The following CADPS variants were observed in gnomAD, a reference collection of about 807,000 sequenced individuals.
The protein encoded by CADPS is calcium dependent secretion activator.
In CADPS, 57 loss-of-function variants were observed where a neutral mutation model predicts 167.3. The ratio of observed to expected loss-of-function variants is 0.34; its 90% confidence interval spans 0.28 to 0.42. The LOEUF (loss-of-function observed/expected upper bound fraction) is 0.42. Among genes scored for constraint, CADPS ranks in the 20% least tolerant of loss-of-function variants. The probability of loss-of-function intolerance (pLI) is 1.00; values close to 1 mark genes in which losing one functional copy is unlikely to be tolerated. For synonymous variants in CADPS, 676 were observed against 635.3 expected (o/e 1.06, Z -0.96); for missense variants, 1,414 against 1,738.1 (o/e 0.81, Z 3.32).
chr3:62,414,624 G>C (rs899794477), intron 28 of CADPS, among the ~76,000 whole-genome samples: 2 of 152,204 alleles, frequency 1.3e-5, no homozygotes, highest in Non-Finnish European at 2.9e-5. Flanking sequence ...AATGTCTTCT[G>C]TTGGTGAAAA....
At chr3:62,441,630 C>A (rs1576100996) in intron 27 of CADPS, among the ~76,000 whole-genome samples, 1 of 152,128 alleles carries the variant, frequency 6.6e-6, no homozygotes, top group Non-Finnish European at 1.5e-5. Context: ...TGGAACTAAA[C>A]CATTAAATGT....
chr3:62,791,080 A>T (rs1354203614), intron 1 of CADPS, among the ~76,000 whole-genome samples: 1 of 152,066 alleles, frequency 6.6e-6, no homozygotes, highest in African/African-American at 2.4e-5. Context: ...CTTACATATG[A>T]CTAGGACAAA....
chr3:62,519,789 CA>C (rs201401762), intron 13 of CADPS, among the ~76,000 whole-genome samples: 32 of 148,642 alleles, frequency 2.2e-4, no homozygotes, highest in African/African-American at 7.7e-4. Flanking sequence ...TTAACAAAAA[CA>C]AATTTTTTTT....
In CADPS at chr3:62,491,437, C is replaced by A; in HGVS notation, c.2928G>T (p.Leu976=). The A allele has an allele frequency of 6.2e-7, 1 of 1,614,066 alleles. No homozygotes were observed. The highest frequency in any genetic ancestry group is 8.5e-7 in the Non-Finnish European group (1 of 1,179,980). The change falls in exon 21 of 30, where the codon CTG becomes CTT. Residue 976 remains leucine (L), a synonymous_variant. Coordinates refer to ENST00000383710, the MANE Select transcript of CADPS (RefSeq NM_003716.4). ...CATATCTAACAACAAGTGGGGCAAA[C>A]AGGTCTTGCAGGTGTTTGTGAAATT... is the stretch of plus-strand genomic sequence containing the variant. ...NGKFHKHLQD[L]FAPLVVRYVD...
intron 1 of CADPS, among the ~76,000 whole-genome samples, chr3:62,781,004 A>T (rs935452752): frequency 1.3e-5 from 2 of 152,216 alleles, no homozygotes; most frequent in Admixed American, 6.5e-5. Flanking sequence ...TTTATTTTTT[A>T]AAAAGATACT....
chr3:62,494,986 AG>A (rs1489341590), intron 18 of CADPS, among the ~76,000 whole-genome samples: 1 of 152,132 alleles, frequency 6.6e-6, no homozygotes, highest in Admixed American at 6.6e-5. Flanking sequence ...TTAGCTTAAA[AG>A]TTGCAAACCA....
chr3:62,592,814 G>T (rs1335411510), intron 6 of CADPS, 66 bp from the exon 7 acceptor site: 10 of 1,208,824 alleles, frequency 8.3e-6, no homozygotes, highest in Non-Finnish European at 1.2e-5. Context: ...CTATTCCATT[G>T]TTCCCAGGTC....
chr3:62,567,564 CTTTTTTTTTTTTTTTTTT>C (rs10561022), intron 9 of CADPS, among the ~76,000 whole-genome samples: 29 of 33,856 alleles, frequency 8.6e-4, no homozygotes, highest in African/African-American at 2.2e-3. Context: ...CTAAGCACTG[CTTTTTTTTTTTTTTTTTT>C]TTTTTTTTTT....
intron 3 of CADPS, among the ~76,000 whole-genome samples, chr3:62,672,746 C>G (rs368671300): frequency 3.3e-4 from 51 of 152,272 alleles, no homozygotes; most frequent in African/African-American, 1.2e-3. Context: ...ACCACAGCCT[C>G]CTGACTAGCT....
intron 6 of CADPS, among the ~76,000 whole-genome samples, chr3:62,639,468 TGGAATATA>T (rs900354413): frequency 2.0e-5 from 3 of 152,124 alleles, no homozygotes; most frequent in African/African-American, 7.2e-5. Context: ...CTGAGGCTCC[TGGAATATA>T]GACCATGCTC....
chr3:62,561,057 A>C lies in CADPS; in HGVS notation c.1645-3544T>G, dbSNP rs554095148. Among the ~76,000 whole-genome samples the C allele has an allele frequency of 4.2e-4, 57 of 136,470 alleles. No homozygotes were observed. The South Asian group carries it at 0.014, about 34-fold the overall frequency. 89.5% of individuals were successfully genotyped at this position (136,470 alleles called of 152,430 possible). On this transcript the variant is annotated intron_variant, in intron 9 of 29. Coordinates refer to ENST00000383710, the MANE Select transcript of CADPS (RefSeq NM_003716.4). ...TCGCACCACTGCACTCCAGCCTGGG[A>C]GAAAGAGCGAAACTCCATCTCAAAA...
chr3:62,842,258 G>A (rs1028612063), intron 1 of CADPS, among the ~76,000 whole-genome samples: 7 of 152,176 alleles, frequency 4.6e-5, no homozygotes, highest in Admixed American at 2.0e-4. Context: ...CAGTGAGGTA[G>A]GCGCTATCAT....
In CADPS at chr3:62,544,038, T is replaced by C. The variant is rs138401788; in HGVS notation, c.1966+5865A>G. Among the ~76,000 whole-genome samples, 967 of 152,216 alleles carry C rather than the reference T, an allele frequency of 6.4e-3. 10 individuals are homozygous for C. Among genetic ancestry groups the C allele is most frequent in the African/African-American group, 0.022 (929 of 41,570 alleles). On this transcript the variant is annotated intron_variant, in intron 11 of 29. Coordinates refer to ENST00000383710, the MANE Select transcript of CADPS (RefSeq NM_003716.4). The surrounding 1 kb of genome is among the most constrained non-coding windows in gnomAD (Gnocchi z 4.4). ...GGGGGAGTAGCAGAATGACATTTGA[T>C]ACCAGAGGTTAAATGTCAACCTTGA...
At chr3:62,758,991 T>A (rs373496149) in intron 2 of CADPS, among the ~76,000 whole-genome samples, 8 of 152,304 alleles carry the variant, frequency 5.3e-5, no homozygotes, top group African/African-American at 1.9e-4. Flanking sequence ...ATCCTTTCAA[T>A]ATAAATAAGA....
chr3:62,424,247 G>A (rs968008449), intron 28 of CADPS, among the ~76,000 whole-genome samples: 20 of 152,076 alleles, frequency 1.3e-4, no homozygotes, highest in African/African-American at 4.6e-4. Flanking sequence ...GCAGTGGCAC[G>A]ATCTCAGCTC....
chr3:62,620,605 A>G (rs980010470), intron 6 of CADPS, among the ~76,000 whole-genome samples: 2 of 152,216 alleles, frequency 1.3e-5, no homozygotes, highest in Admixed American at 1.3e-4. Flanking sequence ...CAAAGAAGTC[A>G]GAGATCCTGC....
At chr3:62,473,192 G>A (rs897655412) in intron 24 of CADPS, among the ~76,000 whole-genome samples, 1 of 118,736 alleles carries the variant, frequency 8.4e-6, no homozygotes, top group Non-Finnish European at 1.6e-5. Context: ...AAAGGTCCTC[G>A]ACAAGAAAAT....
chr3:62,845,445 C>T (rs926055130), intron 1 of CADPS, among the ~76,000 whole-genome samples: 1 of 152,114 alleles, frequency 6.6e-6, no homozygotes, highest in African/African-American at 2.4e-5. Flanking sequence ...ATACATCTCT[C>T]ATTAGGTCAT....
intron 1 of CADPS, among the ~76,000 whole-genome samples, chr3:62,852,368 G>A (rs192595118): frequency 3.3e-5 from 5 of 152,020 alleles, no homozygotes; most frequent in East Asian, 1.9e-4. Context: ...CTTCTGTGTC[G>A]CTCACACTGG....
Sources: allele counts gnomAD v4.1 joint callset (sites outside exome capture counted in the v4.1 genomes callset), GRCh38; gene constraint gnomAD v4.1.1; non-coding constraint Gnocchi (gnomAD v3.1); transcripts MANE v1.5; gene names NCBI Gene and HGNC (gene_info 2026-07-23, HGNC 2026-07-21).